UBN2: variants seen among roughly 807,000 people sequenced by gnomAD.
The protein encoded by UBN2 is ubinuclein-2.
Under a neutral mutation model 120.2 loss-of-function variants are expected in UBN2, and 35 were observed. The observed-to-expected ratio is 0.29, with a 90% CI of 0.22 to 0.39. UBN2 has a LOEUF of 0.39. UBN2 is among the 10% of genes least tolerant of loss of function. The pLI, the probability that UBN2 is intolerant of heterozygous loss-of-function variation, is 1.00. For synonymous variants in UBN2, 661 were observed against 648.7 expected, an observed-to-expected ratio of 1.02 and a Z score of -0.29; for missense variants, 1,693 against 1,663.2, an observed-to-expected ratio of 1.02 and a Z score of -0.31.
intron 8 of UBN2, among the ~76,000 whole-genome samples, chr7:139,271,681 A>G (rs553441299): frequency 6.6e-5 from 10 of 152,286 alleles, no homozygotes; most frequent in African/African-American, 2.2e-4. Flanking sequence ...TTACATATAT[A>G]CTTGTAAGAT....
chr7:139,268,836 T>A (rs984171425), intron 7 of UBN2, among the ~76,000 whole-genome samples: 1 of 152,206 alleles, frequency 6.6e-6, no homozygotes, highest in Admixed American at 6.5e-5. Context: ...CAAAAAATAT[T>A]TCCAGCTTGT....
intron 15 of UBN2, among the ~76,000 whole-genome samples, chr7:139,285,343 A>G (rs1055020287): frequency 2.6e-5 from 4 of 152,216 alleles, no homozygotes; most frequent in Non-Finnish European, 5.9e-5. Flanking sequence ...TTCATCTCAA[A>G]AAAAAAGGGT....
the UBN2 span, among the ~76,000 whole-genome samples, chr7:139,324,365 C>G: frequency 2.7e-5 from 4 of 148,998 alleles, no homozygotes; most frequent in African/African-American, 9.9e-5. Context: ...TTCAGGAGAT[C>G]GAGACCACGG....
rs1435792444 is a variant in UBN2, at chr7:139,261,642, C to T, written c.1296C>T (p.Thr432=). ...CGGGGGGTGAAAATGGAACCACCAC[C>T]CAGCCAACCTACACTTCTCAGGTTA... ...SESGGENGTT[T]QPTYTSQVMP... Residue 432 remains threonine (T), a synonymous_variant, in exon 6 of 18, where the codon ACC becomes ACT. Coordinates refer to ENST00000473989, the MANE Select transcript of UBN2 (RefSeq NM_173569.4). The T allele has an allele frequency of 6.2e-7, 1 of 1,614,160 alleles. No homozygotes were observed. Among genetic ancestry groups the T allele is most frequent in the Non-Finnish European group, 8.5e-7 (1 of 1,180,026 alleles).
chr7:139,257,639 A>C (rs1796800820), intron 3 of UBN2, among the ~76,000 whole-genome samples: 1 of 152,002 alleles, frequency 6.6e-6, no homozygotes, highest in African/African-American at 2.4e-5. Context: ...GCTGGTCTTG[A>C]ACTCCTGACC....
rs116050227 is a variant in UBN2, at chr7:139,258,461, C to G, written c.664-27C>G. 1.5e-3 allele frequency: 2,232 copies of G among 1,522,830 alleles called. 29 individuals carry two copies. The African/African-American group carries it at 0.028, about 19-fold the overall frequency. 94.3% of individuals were successfully genotyped at this position (1,522,830 alleles called of 1,614,324 possible). Reference sequence around the variant, plus strand: ...TAGAGTTAAAGACAACAGGATATAGCGGAAACTTTTTTGTTTTTTAATCTA... The same window carrying G: ...TAGAGTTAAAGACAACAGGATATAGGGGAAACTTTTTTGTTTTTTAATCTA... On this transcript the variant is annotated intron_variant, in intron 3 of 17. Transcript: ENST00000473989.
In UBN2 at chr7:139,308,150, G is replaced by A. The variant is rs1434672399; in HGVS notation, c.*10314G>A. ...TGTAGATGTTTCCTGTCTATCCTTTGTGACAGGGCCTTTTAATGAGTGTTT... is the reference window on the plus strand; with the variant it reads ...TGTAGATGTTTCCTGTCTATCCTTTATGACAGGGCCTTTTAATGAGTGTTT... On this transcript the variant is annotated 3_prime_UTR_variant, in exon 18 of 18. Transcript: ENST00000473989. The A allele has an allele frequency of 6.6e-6, 1 of 150,772 alleles. No homozygotes were observed. The highest frequency in any genetic ancestry group is 1.5e-5 in the Non-Finnish European group (1 of 67,742). 9.3% of individuals were successfully genotyped at this position (150,772 alleles called of 1,614,324 possible). A position where few individuals can be genotyped will look rare whatever the true frequency, so the allele number is the denominator to read the frequency against.
At chr7:139,236,554 G>C (rs995138608) in intron 1 of UBN2, among the ~76,000 whole-genome samples, 3 of 152,152 alleles carry the variant, frequency 2.0e-5, no homozygotes, top group Non-Finnish European at 2.9e-5. Context: ...AATTATAAGT[G>C]AGATTTTCAT....
chr7:139,285,226 G>C (rs969960313), intron 15 of UBN2, among the ~76,000 whole-genome samples: 16 of 152,130 alleles, frequency 1.1e-4, no homozygotes, highest in African/African-American at 3.9e-4. Context: ...AAGAAGGGTA[G>C]CCGGGCATGG....
At position 139,271,769 on chromosome 7, in the gene UBN2, G is replaced by A. The variant is rs187184808; in HGVS notation, c.1597-553G>A. On this transcript the variant is annotated intron_variant, in intron 8 of 17. Coordinates refer to ENST00000473989, the MANE Select transcript of UBN2 (RefSeq NM_173569.4). ...CTACTTTCTTTTTTGCCCTGAAAAC[G>A]CACATGAATAAGAGTTTTTGGGTTC... 1.2e-4 allele frequency among the ~76,000 whole-genome samples: 19 copies of A among 152,196 alleles called. No homozygotes were observed. In the South Asian group the frequency reaches 1.7e-3, roughly 13 times the overall value.
intron 1 of UBN2, among the ~76,000 whole-genome samples, chr7:139,234,726 C>T (rs1307459353): frequency 6.6e-6 from 1 of 152,184 alleles, no homozygotes; most frequent in Admixed American, 6.5e-5. Flanking sequence ...TTAACCAGAA[C>T]ACCCATTTGT....
At chr7:139,240,465 T>TAA (rs1554469302) in intron 2 of UBN2, among the ~76,000 whole-genome samples, 2 of 145,342 alleles carry the variant, frequency 1.4e-5, no homozygotes, top group African/African-American at 5.1e-5. Context: ...TTTTTTTTTT[T>TAA]AAATAATTAT....
At chr7:139,256,903 C>T (rs1482772145) in intron 3 of UBN2, among the ~76,000 whole-genome samples, 1 of 152,018 alleles carries the variant, frequency 6.6e-6, no homozygotes, top group Non-Finnish European at 1.5e-5. Context: ...TTCCATTCTC[C>T]ATATAATTGA....
chr7:139,292,592 G>A (rs1797992279), intron 15 of UBN2, among the ~76,000 whole-genome samples: 2 of 152,202 alleles, frequency 1.3e-5, no homozygotes, highest in South Asian at 4.1e-4. Context: ...AAATTAGATA[G>A]TTGCTAGGAG....
intron 13 of UBN2, 47 bp from the exon 14 acceptor site, chr7:139,281,958 T>C (rs1353149652): frequency 6.4e-7 from 1 of 1,572,374 alleles, no homozygotes. Flanking sequence ...ACTAAGGAAG[T>C]TAGAGTGTAA....
chr7:139,282,545 AGG>A (rs1262633646), intron 14 of UBN2, among the ~76,000 whole-genome samples: 1 of 152,188 alleles, frequency 6.6e-6, no homozygotes, highest in African/African-American at 2.4e-5. Context: ...TACTGGCTGT[AGG>A]GTAGCTGCAG....
chr7:139,318,928 T>G, the UBN2 span, among the ~76,000 whole-genome samples: 3 of 151,428 alleles, frequency 2.0e-5, no homozygotes, highest in African/African-American at 7.3e-5. Context: ...CTTGCGGGGG[T>G]GGTTCTCCAC....
At chr7:139,319,845 G>A in the UBN2 span, among the ~76,000 whole-genome samples, 16 of 152,130 alleles carry the variant, frequency 1.1e-4, no homozygotes, top group Non-Finnish European at 2.4e-4. Context: ...GGGAGGCCGA[G>A]GTGGGCGTAT....
rs933520535 is a variant in UBN2, at chr7:139,298,571, C to G, written c.*735C>G. On this transcript the variant is annotated 3_prime_UTR_variant, in exon 18 of 18. Transcript: ENST00000473989. Reference sequence around the variant, plus strand: ...AGATGTCCCCTTTTTGTAAAAGGGTCAATTTCATCTTCCGTTCAGAAGCAG... The same window carrying G: ...AGATGTCCCCTTTTTGTAAAAGGGTGAATTTCATCTTCCGTTCAGAAGCAG... 8.6e-5 allele frequency: 13 copies of G among 151,904 alleles called. No homozygotes were observed. The highest frequency in any genetic ancestry group is 3.1e-4 in the African/African-American group (13 of 41,432). The allele number at this position is 151,904 out of a possible 1,614,324, so 9.4% of individuals were successfully genotyped here.
Sources: allele counts gnomAD v4.1 joint callset (sites outside exome capture counted in the v4.1 genomes callset), GRCh38; gene constraint gnomAD v4.1.1; transcripts MANE v1.5; gene names NCBI Gene and HGNC (gene_info 2026-07-23, HGNC 2026-07-21).